The following LAMA2 variants were observed in gnomAD, a reference collection of about 807,000 sequenced individuals.
LAMA2 encodes laminin subunit alpha 2.
In LAMA2, 269 loss-of-function variants were observed where a neutral mutation model predicts 364.8. The observed-to-expected ratio is 0.74, with a 90% CI of 0.67 to 0.82. The LOEUF (loss-of-function observed/expected upper bound fraction) is 0.82, where lower values mean the gene tolerates loss of function less well. Among genes scored for constraint, LAMA2 ranks in the 40% least tolerant of loss-of-function variants. The probability of loss-of-function intolerance (pLI) is 0.00; values close to 1 mark genes in which losing one functional copy is unlikely to be tolerated. For synonymous variants in LAMA2, 1,379 were observed against 1,370.6 expected, an observed-to-expected ratio of 1.01 and a Z score of -0.14; for missense variants, 3,807 against 3,873.2, an observed-to-expected ratio of 0.98 and a Z score of 0.45.
intron 3 of LAMA2, among the ~76,000 whole-genome samples, chr6:129,062,912 G>GTTTT (rs368817743): frequency 0.064 from 8,322 of 129,806 alleles, 319 homozygotes; most frequent in East Asian, 0.14. Context: ...ATTACAGTGG[G>GTTTT]TTTTTTTTTT....
Position 129,297,801 on chromosome 6 carries a change from C to T in LAMA2, c.2973C>T (p.Val991=). ...GACAATGTTGGTGCCAACCTGGAGT[C>T]ACAGGGAAGAAATGTGACCGCTGTG... ...ESGQCWCQPG[V]TGKKCDRCAH... Residue 991 remains valine, a synonymous_variant, in exon 21 of 65, where the codon GTC becomes GTT. Coordinates refer to ENST00000421865, the MANE Select transcript of LAMA2 (RefSeq NM_000426.4). 1 of 1,614,010 alleles carries T rather than the reference C, an allele frequency of 6.2e-7. No individual in the cohort carries two copies. The highest frequency in any genetic ancestry group is 2.2e-5 in the East Asian group (1 of 44,870).
At chr6:129,375,424 C>T (rs1048593309) in intron 34 of LAMA2, among the ~76,000 whole-genome samples, 5 of 152,152 alleles carry the variant, frequency 3.3e-5, no homozygotes, top group African/African-American at 1.2e-4. Flanking sequence ...ATTTATTTCT[C>T]ACTCCACTGC....
chr6:129,370,268 T>C (rs1778000115), intron 34 of LAMA2, among the ~76,000 whole-genome samples: 2 of 152,234 alleles, frequency 1.3e-5, no homozygotes, highest in Non-Finnish European at 2.9e-5. Flanking sequence ...TGGTAAAGTT[T>C]GTATCTGTTC....
intron 4 of LAMA2, among the ~76,000 whole-genome samples, chr6:129,130,536 A>C (rs1471637640): frequency 6.6e-6 from 1 of 152,218 alleles, no homozygotes; most frequent in African/African-American, 2.4e-5. Flanking sequence ...GATACTGAAG[A>C]TGGCAGTGAT....
At chr6:128,997,576 C>G (rs560683085) in intron 1 of LAMA2, among the ~76,000 whole-genome samples, 2 of 152,240 alleles carry the variant, frequency 1.3e-5, no homozygotes, top group South Asian at 4.1e-4. Flanking sequence ...AGGTGGATCA[C>G]TTGAGGTCAG....
chr6:129,331,419 C>G (rs1775644312), intron 29 of LAMA2, among the ~76,000 whole-genome samples: 1 of 152,034 alleles, frequency 6.6e-6, no homozygotes, highest in South Asian at 2.1e-4. Flanking sequence ...GATGGTGTTG[C>G]CTCTTATTTC....
intron 1 of LAMA2, among the ~76,000 whole-genome samples, chr6:129,012,354 C>T (rs979307149): frequency 5.6e-4 from 86 of 152,230 alleles, no homozygotes; most frequent in African/African-American, 2.0e-3. Flanking sequence ...GAACCACTTA[C>T]CCCATCTGTA....
At chr6:129,463,203 G>T (rs973548635) in intron 49 of LAMA2, among the ~76,000 whole-genome samples, 3 of 151,960 alleles carry the variant, frequency 2.0e-5, no homozygotes, top group African/African-American at 7.2e-5. Context: ...CAGACATCAA[G>T]GTTCAAAAGA....
At chr6:129,071,262 C>CT (rs1219989573) in intron 3 of LAMA2, among the ~76,000 whole-genome samples, 1 of 152,060 alleles carries the variant, frequency 6.6e-6, no homozygotes, top group African/African-American at 2.4e-5. Context: ...TAGTGATGCC[C>CT]TTTTTTTATT....
intron 55 of LAMA2, among the ~76,000 whole-genome samples, chr6:129,485,183 T>A (rs1784533941): frequency 6.6e-6 from 1 of 152,148 alleles, no homozygotes; most frequent in Admixed American, 6.6e-5. Flanking sequence ...AGATTTCCAC[T>A]AAAGGATACT....
chr6:129,308,899 G>A (rs532196410), intron 22 of LAMA2, among the ~76,000 whole-genome samples: 98 of 152,262 alleles, frequency 6.4e-4, no homozygotes, highest in Non-Finnish European at 1.2e-3. Flanking sequence ...GATCTTGCCG[G>A]TAGGAACTCA....
intron 20 of LAMA2, chr6:129,293,066 G>A (rs1391821039): frequency 2.0e-6 from 2 of 985,920 alleles, no homozygotes; most frequent in Non-Finnish European, 2.4e-6. Context: ...CCCCAGCTCC[G>A]GTAATCCCAG....
chr6:128,960,136 A>G (rs1781388983), intron 1 of LAMA2, among the ~76,000 whole-genome samples: 1 of 151,952 alleles, frequency 6.6e-6, no homozygotes, highest in Non-Finnish European at 1.5e-5. Context: ...AATGTTCTGT[A>G]GTTTGATCAC....
intron 3 of LAMA2, among the ~76,000 whole-genome samples, chr6:129,064,154 A>AT (rs1158922605): frequency 1.3e-5 from 2 of 152,076 alleles, no homozygotes; most frequent in Non-Finnish European, 2.9e-5. Flanking sequence ...ATACATGGAA[A>AT]TTAAACAACA....
At chr6:129,145,905 G>A (rs927672467) in intron 5 of LAMA2, among the ~76,000 whole-genome samples, 8 of 151,778 alleles carry the variant, frequency 5.3e-5, no homozygotes, top group African/African-American at 1.9e-4. Flanking sequence ...ATCTCTATTT[G>A]TGTCTATATT....
intron 62 of LAMA2, among the ~76,000 whole-genome samples, chr6:129,509,607 G>A (rs1027927648): frequency 2.6e-5 from 4 of 152,124 alleles, no homozygotes; most frequent in African/African-American, 7.2e-5. Context: ...TTATTGAAGA[G>A]ACTGTCCTTT....
At position 129,511,184 on chromosome 6, in the gene LAMA2, C is replaced by A. The variant is rs557869446; in HGVS notation, c.8858-1179C>A. Among the ~76,000 whole-genome samples, 177 of 152,260 alleles carry A rather than the reference C, an allele frequency of 1.2e-3. 1 individual carries two copies. Among genetic ancestry groups the A allele is most frequent in the African/African-American group, 4.0e-3 (165 of 41,570 alleles). On this transcript the variant is annotated intron_variant, in intron 62 of 64. Coordinates refer to ENST00000421865, the MANE Select transcript of LAMA2 (RefSeq NM_000426.4). Reference sequence around the variant, plus strand: ...CTTGGGTGGTCAGAAGAGATCACTTCACTGGAAAACATACAATTCATCTTA... The same window carrying A: ...CTTGGGTGGTCAGAAGAGATCACTTAACTGGAAAACATACAATTCATCTTA...
intron 8 of LAMA2, chr6:129,158,682 A>T (rs919037429): frequency 1.2e-6 from 2 of 1,614,180 alleles, no homozygotes; most frequent in Middle Eastern, 1.6e-4. Flanking sequence ...GCTGCCATCA[A>T]AAAACGGACC....
chr6:129,109,704 A>C (rs1010569393), intron 4 of LAMA2, among the ~76,000 whole-genome samples: 8 of 152,242 alleles, frequency 5.3e-5, no homozygotes, highest in African/African-American at 1.9e-4. Context: ...TCCATCTTAT[A>C]GTAAAATTTA....
Sources: gnomAD v4.1 joint callset for allele counts (sites outside exome capture counted in the v4.1 genomes callset) on GRCh38, gnomAD v4.1.1 for gene constraint, MANE v1.5 for transcripts, NCBI Gene and HGNC (gene_info 2026-07-23, HGNC 2026-07-21) for gene names.